Variants in ELL2 observed in about 807,000 individuals in gnomAD.
The protein encoded by ELL2 is RNA polymerase II elongation factor ELL2.
A neutral mutation model predicts 72.8 loss-of-function variants in ELL2; 21 were observed. The observed-to-expected ratio is 0.29, with a 90% confidence interval of 0.20 to 0.42. ELL2 has a LOEUF of 0.42. Ranked by LOEUF, ELL2 falls within the 10% of genes least tolerant of loss-of-function variation. The probability of loss-of-function intolerance (pLI) is 1.00; values close to 1 mark genes in which losing one functional copy is unlikely to be tolerated. For missense variants in ELL2, 568 were observed against 772.8 expected, an observed-to-expected ratio of 0.73 and a Z score of 3.14; for synonymous variants, 266 against 283.2, an observed-to-expected ratio of 0.94 and a Z score of 0.61.
At chr5:95,925,444 C>G (rs1404049534) in intron 2 of ELL2, among the ~76,000 whole-genome samples, 1 of 152,198 alleles carries the variant, frequency 6.6e-6, no homozygotes, top group East Asian at 1.9e-4. Context: ...CCTTGTAATA[C>G]TAACATATTA....
In ELL2 at chr5:95,898,129, A is replaced by G. The variant is rs192546844; in HGVS notation, c.1525+111T>C. On this transcript the variant is annotated intron_variant, in intron 8 of 11. Coordinates refer to ENST00000237853, the MANE Select transcript of ELL2 (RefSeq NM_012081.6). ...AAAAACTGCTCAAAAGCACAACACTAAGATTAATAATTAAATGAAACGTCA... is the reference window on the plus strand; with the variant it reads ...AAAAACTGCTCAAAAGCACAACACTGAGATTAATAATTAAATGAAACGTCA... The G allele has an allele frequency of 1.7e-4, 163 of 970,830 alleles. 1 individual carries two copies. The East Asian group carries it at 3.9e-3, about 24-fold the overall frequency. The allele number at this position is 970,830 out of a possible 1,614,324, so 60.1% of individuals were successfully genotyped here.
chr5:95,948,491 G>A (rs888832591), intron 1 of ELL2, among the ~76,000 whole-genome samples: 3 of 137,494 alleles, frequency 2.2e-5, no homozygotes, highest in Non-Finnish European at 1.5e-5. Context: ...CACTTATTTT[G>A]TATCTGATCA....
chr5:95,955,802 T>A (rs994859849), intron 1 of ELL2, among the ~76,000 whole-genome samples: 3 of 151,976 alleles, frequency 2.0e-5, no homozygotes, highest in African/African-American at 7.3e-5. Flanking sequence ...AATATCACAT[T>A]TTAGGGACAT....
intron 9 of ELL2, among the ~76,000 whole-genome samples, chr5:95,893,238 T>G (rs780731081): frequency 6.6e-6 from 1 of 152,254 alleles, no homozygotes; most frequent in Non-Finnish European, 1.5e-5. Flanking sequence ...CGAAAAATTG[T>G]TGTAGTTCTA....
intron 4 of ELL2, among the ~76,000 whole-genome samples, chr5:95,910,292 A>C (rs1295776808): frequency 6.6e-6 from 1 of 152,164 alleles, no homozygotes; most frequent in Non-Finnish European, 1.5e-5. Flanking sequence ...AAGTTGGAAA[A>C]ATTGGAAACA....
Position 95,891,194 on chromosome 5 carries a change from G to A in ELL2, c.1670C>T (p.Ala557Val). The A allele has an allele frequency of 3.1e-6, 5 of 1,614,142 alleles. No homozygotes were observed. The highest frequency in any genetic ancestry group is 4.2e-6 in the Non-Finnish European group (5 of 1,180,030). The change falls in exon 10 of 12, where the codon GCT becomes GTT. Residue 557 changes from alanine to valine, a missense_variant. This residue lies in a region of ELL2 where 511 missense variants were observed against 728.4 expected (regional missense o/e 0.70). Coordinates refer to ENST00000237853, the MANE Select transcript of ELL2 (RefSeq NM_012081.6). The part of the protein sequence containing the change: ...DFNAEYDEYR[A>V]LHARMETVAR... The stretch of plus-strand genomic sequence containing the variant: ...TACAGTCTCCATCCTGGCATGCAAA[G>A]CTCTGTACTCATCATACTCTGCATT...
chr5:95,891,819 T>C (rs1276547873), intron 9 of ELL2, among the ~76,000 whole-genome samples: 1 of 152,246 alleles, frequency 6.6e-6, no homozygotes, highest in Non-Finnish European at 1.5e-5. Flanking sequence ...TTGCTTCCTC[T>C]ATCCCTTTCC....
intron 5 of ELL2, among the ~76,000 whole-genome samples, chr5:95,905,891 GA>G (rs577715314): frequency 6.6e-6 from 1 of 151,222 alleles, no homozygotes; most frequent in Admixed American, 6.6e-5. Context: ...AAGGAAGGAA[GA>G]AAAAAATATG....
Position 95,919,557 on chromosome 5 carries a change from G to A in ELL2, c.196-12C>T, listed in dbSNP as rs1295227378. On this transcript the variant is annotated splice_polypyrimidine_tract_variant and intron_variant, in intron 2 of 11. Coordinates refer to ENST00000237853, the MANE Select transcript of ELL2 (RefSeq NM_012081.6). ...GGAATTTTGACAAGCTAAAATGAGG[G>A]GAAAAGAGAGAAACGCCTCAAATTA... 1 of 1,542,052 alleles carries A rather than the reference G, an allele frequency of 6.5e-7. No individual in the cohort carries two copies. Among genetic ancestry groups the A allele is most frequent in the Non-Finnish European group, 8.7e-7 (1 of 1,153,748 alleles).
At chr5:95,924,060 A>C (rs1750195994) in intron 2 of ELL2, among the ~76,000 whole-genome samples, 4 of 152,142 alleles carry the variant, frequency 2.6e-5, no homozygotes, top group Non-Finnish European at 5.9e-5. Context: ...CTTTAGAACT[A>C]AACTATGGCA....
intron 2 of ELL2, among the ~76,000 whole-genome samples, chr5:95,929,155 C>T (rs935924802): frequency 1.3e-5 from 2 of 152,234 alleles, no homozygotes; most frequent in Middle Eastern, 3.4e-3. Context: ...AGGCGCTCAT[C>T]GCTATTGCTG....
chr5:95,958,914 TTA>T (rs199686742), intron 1 of ELL2, among the ~76,000 whole-genome samples: 14 of 139,066 alleles, frequency 1.0e-4, no homozygotes, highest in Admixed American at 4.1e-4. Context: ...TTTTTTTTTT[TTA>T]AATTAAGAAC....
At chr5:95,927,037 ATTCT>A (rs1326394519) in intron 2 of ELL2, among the ~76,000 whole-genome samples, 3 of 152,144 alleles carry the variant, frequency 2.0e-5, no homozygotes, top group South Asian at 4.1e-4. Context: ...GGATTAATTG[ATTCT>A]TTCATTTAAT....
chr5:95,951,098 G>T (rs1292916661), intron 1 of ELL2, among the ~76,000 whole-genome samples: 4 of 151,652 alleles, frequency 2.6e-5, no homozygotes, highest in Non-Finnish European at 4.4e-5. Flanking sequence ...GGCCAGGCAT[G>T]GTGGCTCACA....
In ELL2 at chr5:95,891,154, G is replaced by C; in HGVS notation, c.1710C>G (p.Ile570Met). Residue 570 changes from isoleucine (I) to methionine (M), a missense_variant, in exon 10 of 12, where the codon ATC becomes ATG. Around this residue, in one of 2 missense-constraint regions of ELL2, gnomAD observed 511 missense variants for 728.4 expected, o/e 0.70. Transcript: ENST00000237853. The stretch of plus-strand genomic sequence containing the variant: ...GGCGCTTTCTTTGTGCATCTAGTTT[G>C]ATAAATCTTCTAGCTACAGTCTCCA... ...ARMETVARRFIKLDAQRKRLS... is the reference protein window; with the variant it reads ...ARMETVARRFMKLDAQRKRLS... 1 of 1,614,126 alleles carries C rather than the reference G, an allele frequency of 6.2e-7. No homozygotes were observed.
chr5:95,916,199 A>G (rs1561498832), intron 3 of ELL2, among the ~76,000 whole-genome samples: 1 of 151,930 alleles, frequency 6.6e-6, no homozygotes, highest in Non-Finnish European at 1.5e-5. Context: ...TGGGGGAAAA[A>G]AGTTAAAGAT....
chr5:95,933,499 A>G (rs1192451007), intron 2 of ELL2, among the ~76,000 whole-genome samples: 4 of 152,146 alleles, frequency 2.6e-5, no homozygotes, highest in East Asian at 1.9e-4. Context: ...TGCTAAATGA[A>G]AAAAGAATAT....
chr5:95,907,277 G>GATATATATATAT (rs748817419), intron 4 of ELL2, among the ~76,000 whole-genome samples: 19 of 119,892 alleles, frequency 1.6e-4, no homozygotes, highest in African/African-American at 5.3e-4. Flanking sequence ...ATCCGTTAGT[G>GATATATATATAT]ATATATATAT....
chr5:95,947,489 G>A (rs1349926661), intron 1 of ELL2, among the ~76,000 whole-genome samples: 1 of 152,184 alleles, frequency 6.6e-6, no homozygotes, highest in African/African-American at 2.4e-5. Flanking sequence ...GTATGGCACA[G>A]AGCATTTTTA....
Sources: allele counts gnomAD v4.1 joint callset (sites outside exome capture counted in the v4.1 genomes callset), GRCh38; gene constraint gnomAD v4.1.1; regional missense constraint gnomAD v4.1.1; transcripts MANE v1.5; gene names NCBI Gene and HGNC (gene_info 2026-07-23, HGNC 2026-07-21).